The following PPP1R9B variants were observed in gnomAD, a reference collection of about 807,000 sequenced individuals.
PPP1R9B encodes the protein neurabin-2.
PPP1R9B carries 17 observed loss-of-function variants against 75.8 expected under a neutral mutation model. The observed-to-expected ratio is 0.22, with a 90% CI of 0.15 to 0.34. PPP1R9B has a LOEUF of 0.34. Among genes scored for constraint, PPP1R9B ranks in the 10% least tolerant of loss-of-function variants. PPP1R9B has a pLI of 1.00. For synonymous variants in PPP1R9B, 509 were observed against 535.4 expected (o/e 0.95, Z 0.68); for missense variants, 875 against 1,196.0 (o/e 0.73, Z 3.96).
rs1159185464 is a variant in PPP1R9B, at chr17:50,139,353, G to C, written c.2020-37C>G. The C allele has an allele frequency of 1.2e-6, 2 of 1,613,876 alleles. No homozygotes were observed. Among genetic ancestry groups the C allele is most frequent in the Admixed American group, 1.7e-5 (1 of 60,034 alleles). On this transcript the variant is annotated intron_variant, in intron 6 of 9. Transcript: ENST00000612501. This position sits in a 1 kb window ranked among gnomAD's most constrained non-coding sequence, Gnocchi z 5.0. Reference sequence around the variant, plus strand: ...AGGGGCAGGCACTCAGCTCCAGCAGGGTGGGGCAGGCAGTGCCAAGGGCAG... The same window carrying C: ...AGGGGCAGGCACTCAGCTCCAGCAGCGTGGGGCAGGCAGTGCCAAGGGCAG...
chr17:50,148,791 CCAGCCTCTGG>C (rs922420405), intron 1 of PPP1R9B, among the ~76,000 whole-genome samples: 1 of 152,216 alleles, frequency 6.6e-6, no homozygotes, highest in African/African-American at 2.4e-5. Context: ...CTACCCAACC[CCAGCCTCTGG>C]CAGCCTCTGG....
At position 50,142,842 on chromosome 17, in the gene PPP1R9B, C is replaced by G. The variant is rs535156779; in HGVS notation, c.1625+756G>C. On this transcript the variant is annotated intron_variant, in intron 3 of 9. Transcript: ENST00000612501. The surrounding 1 kb of genome is among the most constrained non-coding windows in gnomAD (Gnocchi z 4.1). ...TGCTCAATACAGGCACACACACTCACATGCGCAAAGACAGCCTGTCTCCAG... is the reference window on the plus strand; with the variant it reads ...TGCTCAATACAGGCACACACACTCAGATGCGCAAAGACAGCCTGTCTCCAG... Among the ~76,000 whole-genome samples, 2 of 152,186 alleles carry G rather than the reference C, an allele frequency of 1.3e-5. No individual in the cohort carries two copies. The highest frequency in any genetic ancestry group is 2.9e-5 in the Non-Finnish European group (2 of 68,036).
chr17:50,141,303 C>T lies in PPP1R9B; in HGVS notation c.1696G>A (p.Ala566Thr), dbSNP rs1242425472. 6.3e-7 allele frequency: 1 copy of T among 1,591,556 alleles called. No individual in the cohort carries two copies. The highest frequency in any genetic ancestry group is 1.7e-5 in the Admixed American group (1 of 57,758). The change falls in exon 4 of 10, where the codon GCG becomes ACG. Residue 566 changes from alanine to threonine, a missense_variant. Coordinates refer to ENST00000612501, the MANE Select transcript of PPP1R9B (RefSeq NM_032595.5). ...SLVGVTQSFA[A>T]SVLRNTKGRV... ...CCCTTGGTGTTCCGGAGCACAGACGCCGCGAAGCTCTGGGTCACTCCCACC... is the reference window on the plus strand; with the variant it reads ...CCCTTGGTGTTCCGGAGCACAGACGTCGCGAAGCTCTGGGTCACTCCCACC...
rs966396857 is a variant in PPP1R9B, at chr17:50,139,188, G to C, written c.2073+75C>G. 6.5e-7 allele frequency: 1 copy of C among 1,535,882 alleles called. No homozygotes were observed. The highest frequency in any genetic ancestry group is 1.4e-5 in the African/African-American group (1 of 73,364). On this transcript the variant is annotated intron_variant, in intron 7 of 9. Coordinates refer to ENST00000612501, the MANE Select transcript of PPP1R9B (RefSeq NM_032595.5). This position sits in a 1 kb window ranked among gnomAD's most constrained non-coding sequence, Gnocchi z 5.0. ...TGTGCCTAAGTGTCAGCATGTGCAG[G>C]TGTGAGGGTAGGGGGACCCTGCTCC... is the stretch of plus-strand genomic sequence containing the variant.
At chr17:50,140,371 A>C in intron 4 of PPP1R9B, 143 bp from the exon 5 acceptor site, 1 of 1,067,426 alleles carries the variant, frequency 9.4e-7, no homozygotes, top group Non-Finnish European at 1.3e-6. Context: ...TGCAGTGTTA[A>C]TAATGAATGG....
chr17:50,140,974 G>C (rs986341857), intron 4 of PPP1R9B, among the ~76,000 whole-genome samples: 1 of 152,162 alleles, frequency 6.6e-6, no homozygotes, highest in African/African-American at 2.4e-5. Context: ...TTCAGTCAGT[G>C]AGTCAGGGAC....
At position 50,139,625 on chromosome 17, in the gene PPP1R9B, G is replaced by A; in HGVS notation, c.1867-44C>T. Reference sequence around the variant, plus strand: ...GACTGTGGGCCCACCCCACCCAGCTGCCCTCAGCCCTGATGACCAGGGCTG... The same window carrying A: ...GACTGTGGGCCCACCCCACCCAGCTACCCTCAGCCCTGATGACCAGGGCTG... On this transcript the variant is annotated intron_variant, in intron 5 of 9. Transcript: ENST00000612501. This position sits in a 1 kb window ranked among gnomAD's most constrained non-coding sequence, Gnocchi z 5.0. 6.6e-7 allele frequency: 1 copy of A among 1,514,136 alleles called. No homozygotes were observed. The highest frequency in any genetic ancestry group is 8.8e-7 in the Non-Finnish European group (1 of 1,132,144). The allele number at this position is 1,514,136 out of a possible 1,614,324, so 93.8% of individuals were successfully genotyped here. A position where few individuals can be genotyped will look rare whatever the true frequency, so the allele number is the denominator to read the frequency against.
rs1912610981 is a variant in PPP1R9B, at chr17:50,149,321, T to C, written c.1193A>G (p.Tyr398Cys). ...SEADLVDVSAYSGLGEDSAGS... is the reference protein window; with the variant it reads ...SEADLVDVSACSGLGEDSAGS... Reference sequence around the variant, plus strand: ...CGCAGAGTCCTCCCCGAGCCCACTGTAGGCGCTCACGTCCACCAAGTCCGC... The same window carrying C: ...CGCAGAGTCCTCCCCGAGCCCACTGCAGGCGCTCACGTCCACCAAGTCCGC... The change falls in exon 1 of 10, where the codon TAC (tyrosine) becomes TGC (cysteine). Residue 398 changes from tyrosine to cysteine, a missense_variant. Physicochemically the swap from Tyr to Cys is radical, Grantham distance 194 (BLOSUM62 -2). Around this residue, in one of 4 missense-constraint regions of PPP1R9B, gnomAD observed 449 missense variants for 475.0 expected, o/e 0.95. Coordinates refer to ENST00000612501, the MANE Select transcript of PPP1R9B (RefSeq NM_032595.5). The surrounding 1 kb of genome is among the most constrained non-coding windows in gnomAD (Gnocchi z 7.2). 11 of 1,613,380 alleles carry C rather than the reference T, an allele frequency of 6.8e-6. No homozygotes were observed. Among genetic ancestry groups the C allele is most frequent in the African/African-American group, 1.3e-5 (1 of 75,020 alleles).
chr17:50,142,405 A>G lies in PPP1R9B; in HGVS notation c.1626-1032T>C, dbSNP rs1289162792. Among the ~76,000 whole-genome samples, 1 of 152,196 alleles carries G rather than the reference A, an allele frequency of 6.6e-6. No individual in the cohort carries two copies. Among genetic ancestry groups the G allele is most frequent in the Admixed American group, 6.5e-5 (1 of 15,288 alleles). On this transcript the variant is annotated intron_variant, in intron 3 of 9. Coordinates refer to ENST00000612501, the MANE Select transcript of PPP1R9B (RefSeq NM_032595.5). This position sits in a 1 kb window ranked among gnomAD's most constrained non-coding sequence, Gnocchi z 4.1. ...CACACTCACTCCTTAGACAACCCAC[A>G]GGCAACAATGGGAAAGGCTCTGGAA...
intron 1 of PPP1R9B, among the ~76,000 whole-genome samples, chr17:50,148,119 G>C (rs964415059): frequency 6.6e-6 from 1 of 152,136 alleles, no homozygotes; most frequent in Non-Finnish European, 1.5e-5. Flanking sequence ...GTGGGAAGTG[G>C]GGGGAGGGGT....
At position 50,139,968 on chromosome 17, in the gene PPP1R9B, G is replaced by T; in HGVS notation, c.1866+125C>A. 1 of 1,046,762 alleles carries T rather than the reference G, an allele frequency of 9.6e-7. No homozygotes were observed. Among genetic ancestry groups the T allele is most frequent in the Non-Finnish European group, 1.4e-6 (1 of 732,916 alleles). 64.8% of individuals were successfully genotyped at this position (1,046,762 alleles called of 1,614,324 possible). On this transcript the variant is annotated intron_variant, in intron 5 of 9. Coordinates refer to ENST00000612501, the MANE Select transcript of PPP1R9B (RefSeq NM_032595.5). The surrounding 1 kb of genome is among the most constrained non-coding windows in gnomAD (Gnocchi z 5.0). ...CCTCTGAAGACAAAGAGTGTGACTG[G>T]AGGACAGGGAATGGCACTGTGGGCT...
intron 2 of PPP1R9B, among the ~76,000 whole-genome samples, 173 bp from the exon 3 acceptor site, chr17:50,143,891 A>G (rs1416415120): frequency 6.6e-6 from 1 of 152,364 alleles, no homozygotes; most frequent in East Asian, 1.9e-4. Context: ...GTCTACTAGG[A>G]TGGCTCCTGA....
chr17:50,150,610 A>C lies in PPP1R9B; in HGVS notation c.-97T>G. 8.3e-7 allele frequency: 1 copy of C among 1,208,770 alleles called. No homozygotes were observed. 74.9% of individuals were successfully genotyped at this position (1,208,770 alleles called of 1,614,324 possible). A position where few individuals can be genotyped will look rare whatever the true frequency, so the allele number is the denominator to read the frequency against. ...GACCACCGCCCCCTCCCCCCGATAA[A>C]AGAAACCCCGAAGGCCTTTTTTAGG... On this transcript the variant is annotated 5_prime_UTR_variant, in exon 1 of 10. Transcript: ENST00000612501. This position sits in a 1 kb window ranked among gnomAD's most constrained non-coding sequence, Gnocchi z 8.7.
rs897937521 is a variant in PPP1R9B, at chr17:50,140,112, T to C, written c.1847A>G (p.Tyr616Cys). ...CCCTACCTCCTCGTCATCCTCCCCA[T>C]ACTGGGCGTATCTCTGCTCCATCAT... is the stretch of plus-strand genomic sequence containing the variant. ...REMMEQRYAQ[Y>C]GEDDEETGEY... is the part of the protein sequence containing the mutation. Residue 616 changes from tyrosine (Y) to cysteine (C), a missense_variant, in exon 5 of 10, where the codon TAT becomes TGT. Tyr to Cys is a radical substitution (Grantham distance 194). Coordinates refer to ENST00000612501, the MANE Select transcript of PPP1R9B (RefSeq NM_032595.5). The C allele has an allele frequency of 2.5e-6, 4 of 1,613,432 alleles. No individual in the cohort carries two copies. Among genetic ancestry groups the C allele is most frequent in the African/African-American group, 1.3e-5 (1 of 74,916 alleles).
Position 50,135,993 on chromosome 17 carries a change from G to T in PPP1R9B, c.2278C>A (p.Arg760Ser). The change falls in exon 8 of 10, where the codon CGC (arginine) becomes AGC (serine). Residue 760 changes from arginine (R) to serine (S), a missense_variant. By Grantham distance (110) the Arg-to-Ser change is moderately radical. Around this residue, in one of 4 missense-constraint regions of PPP1R9B, gnomAD observed 218 missense variants for 334.6 expected, o/e 0.65. Transcript: ENST00000612501. ...TTCTGCTGGTAGTCCTTGATGAGGC[G>T]CTTGGCCTTGCTGTACTTGCGCTCC... ...ALERKYSKAKRLIKDYQQKEI... is the reference protein window; with the variant it reads ...ALERKYSKAKSLIKDYQQKEI... 1 of 1,585,850 alleles carries T rather than the reference G, an allele frequency of 6.3e-7. No homozygotes were observed. Among genetic ancestry groups the T allele is most frequent in the South Asian group, 1.1e-5 (1 of 87,764 alleles).
At position 50,150,406 on chromosome 17, in the gene PPP1R9B, G is replaced by T; in HGVS notation, c.108C>A (p.Pro36=). Residue 36 remains proline (P), a synonymous_variant, in exon 1 of 10, where the codon CCC becomes CCA. Transcript: ENST00000612501. The surrounding 1 kb of genome is among the most constrained non-coding windows in gnomAD (Gnocchi z 8.7). ...CCCCCTTGGGTGCCTCGTCGGGCCC[G>T]GGCGCGTCGGGCGGCTTCAGCGCCT... ...GIQALKPPDA[P]GPDEAPKGAH... 7.2e-7 allele frequency: 1 copy of T among 1,396,126 alleles called. No homozygotes were observed. Among genetic ancestry groups the T allele is most frequent in the South Asian group, 1.6e-5 (1 of 63,254 alleles). 86.5% of individuals were successfully genotyped at this position (1,396,126 alleles called of 1,614,324 possible). A position where few individuals can be genotyped will look rare whatever the true frequency, so the allele number is the denominator to read the frequency against.
In PPP1R9B at chr17:50,134,485, C is replaced by T. The variant is rs139628749; in HGVS notation, c.*846G>A. 4.3e-3 allele frequency: 650 copies of T among 152,858 alleles called. 1 individual carries two copies. The highest frequency in any genetic ancestry group is 7.4e-3 in the Non-Finnish European group (503 of 68,104). The allele number at this position is 152,858 out of a possible 1,614,324, so 9.5% of individuals were successfully genotyped here. ...GGGTCGCTGTAGCCAGACCCCCTTT[C>T]CTCCCTGGCATTCCCAGGCTTGACC... is the stretch of plus-strand genomic sequence containing the variant. On this transcript the variant is annotated 3_prime_UTR_variant, in exon 10 of 10. Transcript: ENST00000612501.
rs1567730944 is a variant in PPP1R9B, at chr17:50,149,260, C to G, written c.1254G>C (p.Glu418Asp). The G allele has an allele frequency of 1.2e-6, 2 of 1,613,008 alleles. No individual in the cohort carries two copies. Among genetic ancestry groups the G allele is most frequent in the Admixed American group, 3.3e-5 (2 of 59,990 alleles). ...GCTCGTAGGGGGGCTCCCCATCCTC[C>G]TCGTCGTCTTCGTCGTCCTCCTCCA... The part of the protein sequence containing the change: ...SALEEDDEDD[E>D]EDGEPPYEPE... Residue 418 changes from glutamate to aspartate, a missense_variant, in exon 1 of 10, where the codon GAG (glutamate) becomes GAC (aspartate). Transcript: ENST00000612501. The surrounding 1 kb of genome is among the most constrained non-coding windows in gnomAD (Gnocchi z 7.2).
At chr17:50,146,392 G>C (rs985767694) in intron 1 of PPP1R9B, among the ~76,000 whole-genome samples, 2 of 152,172 alleles carry the variant, frequency 1.3e-5, no homozygotes, top group African/African-American at 2.4e-5. Context: ...TCAGTTGGCT[G>C]AGTCTGAGCC....
Sources: allele counts gnomAD v4.1 joint callset (sites outside exome capture counted in the v4.1 genomes callset), GRCh38; gene constraint gnomAD v4.1.1; regional missense constraint gnomAD v4.1.1; non-coding constraint Gnocchi (gnomAD v3.1); transcripts MANE v1.5; gene names NCBI Gene and HGNC (gene_info 2026-07-23, HGNC 2026-07-21).